Variants in ARHGAP32 observed in about 807,000 individuals in gnomAD.
ARHGAP32 encodes the protein rho GTPase-activating protein 32.
A neutral mutation model predicts 186.5 loss-of-function variants in ARHGAP32; 51 were observed. The observed-to-expected ratio is 0.27, with a 90% CI of 0.22 to 0.35. The LOEUF is 0.35. ARHGAP32 is among the 10% of genes least tolerant of loss of function. The pLI is 1.00. For missense variants in ARHGAP32, 2,186 were observed against 2,623.5 expected (o/e 0.83, Z 3.64); for synonymous variants, 950 against 964.3 (o/e 0.99, Z 0.27).
At chr11:129,195,830 G>A (rs886541321), upstream of ARHGAP32, among the ~76,000 whole-genome samples, 1 of 152,188 alleles carries the variant, frequency 6.6e-6, no homozygotes, top group African/African-American at 2.4e-5. Context: ...GGTTAACAGC[G>A]GGGGCAGGGA....
At chr11:129,033,659 G>A (rs1019439185) in intron 11 of ARHGAP32, among the ~76,000 whole-genome samples, 3 of 152,202 alleles carry the variant, frequency 2.0e-5, no homozygotes, top group Admixed American at 2.0e-4. Flanking sequence ...TAAAGCCAAG[G>A]TCATAAAGAT....
intron 1 of ARHGAP32, among the ~76,000 whole-genome samples, chr11:129,261,784 A>G (rs1324403154): frequency 2.0e-5 from 3 of 152,256 alleles, no homozygotes; most frequent in African/African-American, 7.2e-5. Context: ...TGACTTAAAC[A>G]TCTCAGTAAA....
chr11:129,177,363 G>A (rs953133511), intron 1 of ARHGAP32, among the ~76,000 whole-genome samples: 1 of 152,076 alleles, frequency 6.6e-6, no homozygotes, highest in African/African-American at 2.4e-5. Flanking sequence ...GAGGTACAAG[G>A]AGAAACTGGT....
At chr11:129,263,689 AG>A (rs1377521536) in intron 1 of ARHGAP32, among the ~76,000 whole-genome samples, 1 of 74,896 alleles carries the variant, frequency 1.3e-5, no homozygotes, top group African/African-American at 4.8e-5. Flanking sequence ...GAAAAGAAAG[AG>A]AAAAAGAAAG....
chr11:128,989,531 C>CACACACAT (rs1360941150), intron 12 of ARHGAP32, among the ~76,000 whole-genome samples: 21 of 151,212 alleles, frequency 1.4e-4, no homozygotes, highest in African/African-American at 4.9e-4. Context: ...CACACACACA[C>CACACACAT]ACACACACAC....
At chr11:129,191,117 C>A (rs767616388) in intron 1 of ARHGAP32, among the ~76,000 whole-genome samples, 3 of 152,048 alleles carry the variant, frequency 2.0e-5, no homozygotes, top group Non-Finnish European at 2.9e-5. Flanking sequence ...TCCTTTGACT[C>A]GAGAAAAGGA....
At chr11:129,269,855 C>T (rs929931329) in intron 1 of ARHGAP32, among the ~76,000 whole-genome samples, 9 of 152,168 alleles carry the variant, frequency 5.9e-5, no homozygotes, top group Non-Finnish European at 1.2e-4. Context: ...ATTTAAAACA[C>T]TGACAACACC....
At chr11:129,059,053 C>T (rs1940383037) in intron 10 of ARHGAP32, among the ~76,000 whole-genome samples, 2 of 152,176 alleles carry the variant, frequency 1.3e-5, no homozygotes, top group Non-Finnish European at 2.9e-5. Flanking sequence ...CTAATCTTTA[C>T]ACTATATTTC....
chr11:129,026,701 G>C (rs1300108561), intron 11 of ARHGAP32, among the ~76,000 whole-genome samples: 1 of 151,318 alleles, frequency 6.6e-6, no homozygotes, highest in East Asian at 1.9e-4. Context: ...GCTGAGGCAG[G>C]AGAGCAGGAG....
At chr11:129,175,209 G>A (rs1361404517) in intron 1 of ARHGAP32, among the ~76,000 whole-genome samples, 2,250 of 73,964 alleles carry the variant, frequency 0.03, 1 homozygote, top group Non-Finnish European at 0.043. Flanking sequence ...AAGATGAAAT[G>A]AATGAAATGA....
At chr11:129,216,564 T>C (rs1331457105) in intron 1 of ARHGAP32, among the ~76,000 whole-genome samples, 2 of 150,902 alleles carry the variant, frequency 1.3e-5, no homozygotes, top group Admixed American at 6.6e-5. Flanking sequence ...TCCCAGCTAC[T>C]TGGGAGTAAG....
At chr11:129,051,541 A>C (rs1940041601) in intron 10 of ARHGAP32, among the ~76,000 whole-genome samples, 1 of 152,248 alleles carries the variant, frequency 6.6e-6, no homozygotes, top group Admixed American at 6.5e-5. Context: ...TGATGAAATT[A>C]AATTATTTTT....
At chr11:129,240,656 G>C (rs772482459) in intron 1 of ARHGAP32, among the ~76,000 whole-genome samples, 1 of 152,152 alleles carries the variant, frequency 6.6e-6, no homozygotes, top group African/African-American at 2.4e-5. Context: ...TTAAGTATTT[G>C]TGAACTAAGC....
intron 11 of ARHGAP32, among the ~76,000 whole-genome samples, chr11:129,034,817 CA>C (rs1378013848): frequency 3.3e-4 from 35 of 107,442 alleles, no homozygotes; most frequent in African/African-American, 1.3e-3. Context: ...GAAACTGTCT[CA>C]AAAAAAAGAA....
Position 128,982,655 on chromosome 11 carries a change from G to A in ARHGAP32, c.1527-719C>T, listed in dbSNP as rs184079639. On this transcript the variant is annotated intron_variant, in intron 15 of 22. Coordinates refer to ENST00000682385, the MANE Select transcript of ARHGAP32 (RefSeq NM_001378024.1). ...TAATCTCAGCAGTCTGGGAGGCTGA[G>A]GCAGGCAGATCACTTGAACTCGAGA... Among the ~76,000 whole-genome samples the A allele has an allele frequency of 1.8e-3, 269 of 152,180 alleles. 1 individual carries two copies. The highest frequency in any genetic ancestry group is 2.8e-3 in the Non-Finnish European group (191 of 68,008).
At chr11:129,021,616 T>C (rs1034481855) in intron 11 of ARHGAP32, among the ~76,000 whole-genome samples, 2 of 152,090 alleles carry the variant, frequency 1.3e-5, no homozygotes, top group Non-Finnish European at 1.5e-5. Context: ...AGATTTCAGT[T>C]ATAAATATCA....
At chr11:129,191,439 C>CACT (rs1944267672) in intron 1 of ARHGAP32, among the ~76,000 whole-genome samples, 2 of 152,226 alleles carry the variant, frequency 1.3e-5, no homozygotes, top group South Asian at 4.2e-4. Flanking sequence ...TCACCACAGA[C>CACT]ACTAAACTGA....
At chr11:129,048,740 C>T (rs1939917500) in intron 10 of ARHGAP32, among the ~76,000 whole-genome samples, 1 of 152,134 alleles carries the variant, frequency 6.6e-6, no homozygotes. Context: ...GATTAAATTT[C>T]TTTTCCCAGT....
intron 10 of ARHGAP32, among the ~76,000 whole-genome samples, chr11:129,061,189 T>C (rs1940489514): frequency 6.6e-6 from 1 of 152,204 alleles, no homozygotes. Context: ...TTATGTAGTA[T>C]TTAGTAACAC....
Sources: gnomAD v4.1 joint callset for allele counts (sites outside exome capture counted in the v4.1 genomes callset) on GRCh38, gnomAD v4.1.1 for gene constraint, MANE v1.5 for transcripts, NCBI Gene and HGNC (gene_info 2026-07-23, HGNC 2026-07-21) for gene names.